The following LRPPRC variants were observed in gnomAD, a reference collection of about 807,000 sequenced individuals.
LRPPRC encodes leucine rich pentatricopeptide repeat containing.
In LRPPRC, 120 loss-of-function variants were observed where a neutral mutation model predicts 180.3. The ratio of observed to expected loss-of-function variants is 0.67; its 90% CI spans 0.57 to 0.77. The LOEUF (loss-of-function observed/expected upper bound fraction) is 0.77, where lower values mean the gene tolerates loss of function less well. LRPPRC is among the 30% of genes least tolerant of loss of function. LRPPRC has a pLI of 0.00. For missense variants in LRPPRC, 2,012 were observed against 1,657.2 expected (o/e 1.21, Z -3.72); for synonymous variants, 723 against 600.0 (o/e 1.21, Z -3.00).
chr2:43,901,089 A>G (rs1231430254), intron 32 of LRPPRC, among the ~76,000 whole-genome samples: 2 of 152,212 alleles, frequency 1.3e-5, no homozygotes, highest in African/African-American at 2.4e-5. Context: ...AAGGTTATCA[A>G]CTGTGGAGCA....
At chr2:43,924,905 T>C (rs935081574) in intron 27 of LRPPRC, among the ~76,000 whole-genome samples, 162 bp downstream of exon 27, 7 of 152,216 alleles carry the variant, frequency 4.6e-5, no homozygotes, top group African/African-American at 1.7e-4. Context: ...TGCTACGATA[T>C]AACATTCTGT....
chr2:43,921,123 C>T (rs1297439970), intron 27 of LRPPRC, among the ~76,000 whole-genome samples: 1 of 152,080 alleles, frequency 6.6e-6, no homozygotes, highest in Admixed American at 6.5e-5. Flanking sequence ...GAAACCCCAT[C>T]TCTACTAAAA....
rs773389505 is a variant in LRPPRC at position 43,973,618 on chromosome 2, T to A, written c.1358A>T (p.Lys453Ile). The change falls in exon 11 of 38, where the codon AAA becomes ATA. Residue 453 changes from lysine to isoleucine, a missense_variant. Physicochemically the swap from Lys to Ile is moderately radical, Grantham distance 102. Coordinates refer to ENST00000260665, the MANE Select transcript of LRPPRC (RefSeq NM_133259.4). ...AGGCAAAATCTAACCTTGAACATTT[T>A]TTTCCTTCCGACGTCCAACTAGCAA... ...WPLLVGRRKE[K>I]NVQGIIEILK... The A allele has an allele frequency of 5.0e-6, 8 of 1,612,762 alleles. No homozygotes were observed. Among genetic ancestry groups the A allele is most frequent in the Admixed American group, 3.3e-5 (2 of 60,016 alleles).
rs765776144 is a variant in LRPPRC at position 43,889,869 on chromosome 2, C to A, written c.3993G>T (p.Glu1331Asp). 6.2e-7 allele frequency: 1 copy of A among 1,606,360 alleles called. No homozygotes were observed. Among genetic ancestry groups the A allele is most frequent in the East Asian group, 2.2e-5 (1 of 44,832 alleles). ...GTGCTTTAGCAGATGTGACATCTTTCTCTGAGACTGACATAAAGAAAAAAA... is the reference window on the plus strand; with the variant it reads ...GTGCTTTAGCAGATGTGACATCTTTATCTGAGACTGACATAAAGAAAAAAA... ...YNSLMKSYVS[E>D]KDVTSAKALY... The change falls in exon 37 of 38, where the codon GAG becomes GAT. Residue 1331 changes from glutamate to aspartate, a missense_variant. Coordinates refer to ENST00000260665, the MANE Select transcript of LRPPRC (RefSeq NM_133259.4).
chr2:43,915,232 T>TCTCTCTCTCTCTCACACA (rs1174216406), intron 29 of LRPPRC, among the ~76,000 whole-genome samples: 1 of 51,884 alleles, frequency 1.9e-5, no homozygotes, highest in Admixed American at 2.6e-4. Context: ...TCTCTCTCTC[T>TCTCTCTCTCTCTCACACA]CACACACACA....
intron 25 of LRPPRC, among the ~76,000 whole-genome samples, chr2:43,926,769 A>AAC (rs1376468886): frequency 3.3e-5 from 5 of 152,218 alleles, no homozygotes; most frequent in Non-Finnish European, 7.3e-5. Flanking sequence ...ACACAAAGTA[A>AAC]CAGTTGTCAC....
At chr2:43,977,536 A>T (rs1674114509) in intron 3 of LRPPRC, among the ~76,000 whole-genome samples, 1 of 152,174 alleles carries the variant, frequency 6.6e-6, no homozygotes, top group African/African-American at 2.4e-5. Context: ...TATGAAGCAC[A>T]AAATTATCTT....
chr2:43,960,565 T>C lies in LRPPRC; in HGVS notation c.1558A>G (p.Asn520Asp), dbSNP rs754771907. 1.8e-5 allele frequency: 28 copies of C among 1,594,446 alleles called. No homozygotes were observed. In the East Asian group the frequency reaches 6.3e-4, roughly 36 times the overall value. Residue 520 changes from asparagine (N) to aspartate (D), a missense_variant, in exon 13 of 38, where the codon AAC becomes GAC. By Grantham distance (23) the Asn-to-Asp change is conservative (BLOSUM62 1). Transcript: ENST00000260665. ...CAAAATGATAATACAAAGTCTAAGT[T>C]CCCATTTGCTGCTTCACTTCTCAAT... The part of the protein sequence containing the change: ...AGLRSEAANG[N>D]LDFVLSFLKS...
At chr2:43,987,978 T>G (rs62135121) in intron 1 of LRPPRC, among the ~76,000 whole-genome samples, 13,168 of 152,186 alleles carry the variant, frequency 0.087, 651 homozygotes, top group South Asian at 0.14. Flanking sequence ...GCACGGTAGC[T>G]CAAGCCTGTA....
chr2:43,985,423 C>T (rs201461634), intron 1 of LRPPRC, among the ~76,000 whole-genome samples: 8 of 152,114 alleles, frequency 5.3e-5, no homozygotes, highest in African/African-American at 1.9e-4. Flanking sequence ...GACATGTATC[C>T]ACCTTTACAG....
chr2:43,955,733 A>G (rs1440368599), intron 14 of LRPPRC, among the ~76,000 whole-genome samples: 2 of 152,066 alleles, frequency 1.3e-5, no homozygotes, highest in African/African-American at 4.8e-5. Flanking sequence ...GCGAGACCCT[A>G]TCTCAAAAAA....
chr2:43,895,869 C>CAGTT lies in LRPPRC; in HGVS notation c.3900+761_3900+764dup, dbSNP rs532185596. ...TAAGAGAAATTTAATTTTATACTTA[C>CAGTT]AGTTAAACATCAAAGTAGAATGTGA... On this transcript the variant is annotated intron_variant, in intron 35 of 37. Coordinates refer to ENST00000260665, the MANE Select transcript of LRPPRC (RefSeq NM_133259.4). Among the ~76,000 whole-genome samples the CAGTT allele has an allele frequency of 2.4e-3, 365 of 152,258 alleles. 1 individual carries two copies. The highest frequency in any genetic ancestry group is 3.6e-3 in the Non-Finnish European group (245 of 68,014).
In LRPPRC at chr2:43,982,179, G is replaced by T. The variant is rs147798830; in HGVS notation, c.346+59C>A. The T allele has an allele frequency of 2.3e-4, 287 of 1,241,768 alleles. No individual in the cohort carries two copies. In the Middle Eastern group the frequency reaches 3.1e-3, roughly 13 times the overall value. The allele number at this position is 1,241,768 out of a possible 1,614,324, so 76.9% of individuals were successfully genotyped here. A position where few individuals can be genotyped will look rare whatever the true frequency, so the allele number is the denominator to read the frequency against. ...TGCCTCCCAAAGTGCTGGGATTACA[G>T]GCCTGAGCCACTGTGACCAGCCAAA... On this transcript the variant is annotated intron_variant, in intron 2 of 37. Coordinates refer to ENST00000260665, the MANE Select transcript of LRPPRC (RefSeq NM_133259.4).
chr2:43,926,256 C>T (rs1256061216), intron 25 of LRPPRC, among the ~76,000 whole-genome samples: 1 of 152,158 alleles, frequency 6.6e-6, no homozygotes, highest in Non-Finnish European at 1.5e-5. Context: ...CCAAATGCTG[C>T]ACTGCACGTC....
chr2:43,979,803 A>G, intron 3 of LRPPRC, 23 bp downstream of exon 3: 1 of 1,608,558 alleles, frequency 6.2e-7, no homozygotes, highest in Non-Finnish European at 8.5e-7. Flanking sequence ...TTTTATACAC[A>G]TCATATATTT....
At chr2:43,925,987 A>G in intron 25 of LRPPRC, 26 bp from the exon 26 acceptor site, 1 of 1,367,320 alleles carries the variant, frequency 7.3e-7, no homozygotes, top group Non-Finnish European at 1.0e-6. Flanking sequence ...ATCACATAGC[A>G]CCCAAGGTAA....
chr2:43,994,318 T>C (rs907251971), intron 1 of LRPPRC, among the ~76,000 whole-genome samples: 3 of 152,222 alleles, frequency 2.0e-5, no homozygotes, highest in African/African-American at 4.8e-5. Context: ...TCATAAATTA[T>C]TTCCTCCACG....
chr2:43,941,772 C>T (rs1415305255), intron 23 of LRPPRC, among the ~76,000 whole-genome samples: 1 of 148,402 alleles, frequency 6.7e-6, no homozygotes, highest in Non-Finnish European at 1.5e-5. Context: ...GAGTCAATAG[C>T]CCTTTTTATT....
chr2:43,911,102 C>T (rs775686594), intron 30 of LRPPRC, among the ~76,000 whole-genome samples: 2 of 151,630 alleles, frequency 1.3e-5, no homozygotes, highest in African/African-American at 2.4e-5. Flanking sequence ...ATACTGCTCA[C>T]TGTCAAATTT....
Sources: gnomAD v4.1 joint callset for allele counts (sites outside exome capture counted in the v4.1 genomes callset) on GRCh38, gnomAD v4.1.1 for gene constraint, MANE v1.5 for transcripts, NCBI Gene and HGNC (gene_info 2026-07-23, HGNC 2026-07-21) for gene names.